Variants in POLQ observed in about 807,000 individuals in gnomAD.
POLQ encodes DNA polymerase theta, also known as epididymis secretory sperm binding protein.
In POLQ, 233 loss-of-function variants were observed where a neutral mutation model predicts 259.2. The observed-to-expected ratio is 0.90, with a 90% CI of 0.81 to 1.00. The LOEUF is 1.00. POLQ is among the 50% of genes least tolerant of loss of function. POLQ has a pLI of 0.00. For missense variants in POLQ, 2,871 were observed against 3,051.6 expected (o/e 0.94, Z 1.39); for synonymous variants, 1,025 against 1,048.8 (o/e 0.98, Z 0.44).
At chr3:121,514,433 A>G (rs1050743279) in intron 9 of POLQ, among the ~76,000 whole-genome samples, 1 of 152,038 alleles carries the variant, frequency 6.6e-6, no homozygotes, top group African/African-American at 2.4e-5. Context: ...AAACTACATA[A>G]AAATTGCAAG....
At chr3:121,474,765 T>TA (rs531450207) in intron 20 of POLQ, among the ~76,000 whole-genome samples, 10 of 152,198 alleles carry the variant, frequency 6.6e-5, no homozygotes, top group Non-Finnish European at 1.5e-4. Flanking sequence ...TATGAACATA[T>TA]GCATGTATAG....
At chr3:121,480,713 T>C (rs2047963544) in intron 19 of POLQ, among the ~76,000 whole-genome samples, 1 of 152,192 alleles carries the variant, frequency 6.6e-6, no homozygotes, top group South Asian at 2.1e-4. Flanking sequence ...TCAACTAACA[T>C]AATAAGCACC....
chr3:121,541,783 T>C (rs1200670198), intron 2 of POLQ, among the ~76,000 whole-genome samples: 1 of 152,066 alleles, frequency 6.6e-6, no homozygotes, highest in Non-Finnish European at 1.5e-5. Context: ...AAGGCCTGCT[T>C]TGAGGAAGTA....
intron 13 of POLQ, among the ~76,000 whole-genome samples, chr3:121,497,623 G>C (rs1326243094): frequency 6.6e-6 from 1 of 152,064 alleles, no homozygotes; most frequent in Non-Finnish European, 1.5e-5. Context: ...TTTTACTAGA[G>C]ACAGGGTTTT....
In POLQ at chr3:121,520,097, GT is replaced by G. The variant is rs1330277103; in HGVS notation, c.1256-15del. 6 of 1,515,640 alleles carry G rather than the reference GT, an allele frequency of 4.0e-6. No individual in the cohort carries two copies. The highest frequency in any genetic ancestry group is 1.7e-5 in the Admixed American group (1 of 58,720). The allele number at this position is 1,515,640 out of a possible 1,614,324, so 93.9% of individuals were successfully genotyped here. A position where few individuals can be genotyped will look rare whatever the true frequency, so the allele number is the denominator to read the frequency against. On this transcript the variant is annotated splice_polypyrimidine_tract_variant and intron_variant, in intron 8 of 29. Transcript: ENST00000264233. ...CAAAAGTAAGACCTAAAAAAAGGAG[GT>G]TTTTATATATTTATTGATATATAAC...
At position 121,496,936 on chromosome 3, in the gene POLQ, G is replaced by T. The variant is rs2048129687; in HGVS notation, c.2154-4C>A. 6.2e-7 allele frequency: 1 copy of T among 1,611,182 alleles called. No homozygotes were observed. Among genetic ancestry groups the T allele is most frequent in the South Asian group, 1.1e-5 (1 of 90,094 alleles). ...TAGCACAAGACTGGTGAAAAACCTG[G>T]GAATAAATCATCAAAAGCGTGGTAA... On this transcript the variant is annotated splice_polypyrimidine_tract_variant and splice_region_variant and intron_variant, in intron 13 of 29. Coordinates refer to ENST00000264233, the MANE Select transcript of POLQ (RefSeq NM_199420.4).
At chr3:121,528,087 G>A (rs2048385288) in intron 7 of POLQ, among the ~76,000 whole-genome samples, 1 of 152,130 alleles carries the variant, frequency 6.6e-6, no homozygotes, top group Non-Finnish European at 1.5e-5. Flanking sequence ...ATGGGGCTAT[G>A]TATGGTCTGT....
intron 14 of POLQ, chr3:121,494,573 G>T: frequency 6.3e-7 from 1 of 1,580,028 alleles, no homozygotes; most frequent in Non-Finnish European, 8.6e-7. Context: ...TCAGCTGGTG[G>T]TGATTGCACA....
chr3:121,436,241 C>T lies in POLQ; in HGVS notation c.7424G>A (p.Gly2475Glu). The T allele has an allele frequency of 6.2e-7, 1 of 1,613,796 alleles. No homozygotes were observed. Among genetic ancestry groups the T allele is most frequent in the Non-Finnish European group, 8.5e-7 (1 of 1,179,768 alleles). The part of the protein sequence containing the change: ...ERQAINTIVQ[G>E]SAADIVKIAT... ...TATTTTGACAATATCAGCTGCTGATCCTTGGACTATTGTGTTGATAGCTTG... is the reference window on the plus strand; with the variant it reads ...TATTTTGACAATATCAGCTGCTGATTCTTGGACTATTGTGTTGATAGCTTG... Residue 2475 changes from glycine (G) to glutamate (E), a missense_variant, in exon 28 of 30, where the codon GGA (glycine) becomes GAA (glutamate). Physicochemically the swap from Gly to Glu is moderately conservative, Grantham distance 98. Around this residue, in one of 3 missense-constraint regions of POLQ, gnomAD observed 2,080 missense variants for 2,126.0 expected, o/e 0.98. Coordinates refer to ENST00000264233, the MANE Select transcript of POLQ (RefSeq NM_199420.4).
At chr3:121,491,161 T>C (rs1331149807) in intron 15 of POLQ, among the ~76,000 whole-genome samples, 1 of 152,028 alleles carries the variant, frequency 6.6e-6, no homozygotes, top group Non-Finnish European at 1.5e-5. Flanking sequence ...AAGACCAGCC[T>C]GACCAATATG....
Position 121,489,298 on chromosome 3 carries a change from T to C in POLQ, c.3633A>G (p.Lys1211=), listed in dbSNP as rs745340083. 1 of 1,613,858 alleles carries C rather than the reference T, an allele frequency of 6.2e-7. No homozygotes were observed. Among genetic ancestry groups the C allele is most frequent in the South Asian group, 1.1e-5 (1 of 91,010 alleles). ...AGGGCATTTGTCTCTCTATTATATT[T>C]TTCTGTTTGGTAATAGTGCTTGTCT... The part of the protein sequence containing the change: ...HEQTSTITKQ[K]NIIERQMPCE... The change falls in exon 16 of 30, where the codon AAA becomes AAG. Residue 1211 remains lysine, a synonymous_variant. Coordinates refer to ENST00000264233, the MANE Select transcript of POLQ (RefSeq NM_199420.4).
In POLQ at chr3:121,481,700, C is replaced by T; in HGVS notation, c.6083G>A (p.Gly2028Glu). Residue 2028 changes from glycine (G) to glutamate (E), a missense_variant, in exon 19 of 30, where the codon GGG (glycine) becomes GAG (glutamate). Transcript: ENST00000264233. ...AGCATTTAGCCCCAGGCTTTGAATC[C>T]CTTGGCTGGTCTCCATCCCTTCTAG... Reference protein sequence around the residue: ...PLLEGMETSQGIQSLGLNAGS... With the variant: ...PLLEGMETSQEIQSLGLNAGS... 1 of 1,614,124 alleles carries T rather than the reference C, an allele frequency of 6.2e-7. No individual in the cohort carries two copies. Among genetic ancestry groups the T allele is most frequent in the South Asian group, 1.1e-5 (1 of 91,082 alleles).
intron 13 of POLQ, among the ~76,000 whole-genome samples, chr3:121,497,331 G>A (rs530742209): frequency 2.0e-5 from 3 of 152,018 alleles, no homozygotes; most frequent in South Asian, 2.1e-4. Flanking sequence ...GAAAGGCAAC[G>A]GTAGCAAAAG....
chr3:121,452,521 T>C (rs1024554296), intron 25 of POLQ, among the ~76,000 whole-genome samples: 2 of 150,646 alleles, frequency 1.3e-5, no homozygotes, highest in East Asian at 2.0e-4. Context: ...TCATGTTGCT[T>C]AGTGCTGTCT....
chr3:121,468,265 C>T (rs1238121372), intron 23 of POLQ, 40 bp downstream of exon 23: 1 of 1,535,752 alleles, frequency 6.5e-7, no homozygotes, highest in Admixed American at 2.1e-5. Flanking sequence ...TTCATACTTA[C>T]AAAAGTTTAT....
At chr3:121,509,735 A>C in intron 11 of POLQ, 32 bp from the exon 12 acceptor site, 1 of 1,581,576 alleles carries the variant, frequency 6.3e-7, no homozygotes, top group Non-Finnish European at 8.6e-7. Flanking sequence ...GAAACAGAGG[A>C]ACAAACATTC....
chr3:121,452,262 C>T (rs1006725764), intron 25 of POLQ, among the ~76,000 whole-genome samples: 2 of 152,236 alleles, frequency 1.3e-5, no homozygotes, highest in Middle Eastern at 3.4e-3. Flanking sequence ...CGCCCTGCTT[C>T]GGCTCACGCT....
At chr3:121,516,934 T>C (rs2048302292) in intron 9 of POLQ, among the ~76,000 whole-genome samples, 1 of 152,204 alleles carries the variant, frequency 6.6e-6, no homozygotes, top group Non-Finnish European at 1.5e-5. Flanking sequence ...GAAATGAACT[T>C]ATTACAGTAT....
intron 20 of POLQ, among the ~76,000 whole-genome samples, chr3:121,475,082 C>A (rs1370013201): frequency 6.6e-6 from 1 of 152,096 alleles, no homozygotes; most frequent in African/African-American, 2.4e-5. Context: ...CTGTAGTCAC[C>A]CTTGTGTACA....
Sources: gnomAD v4.1 joint callset for allele counts (sites outside exome capture counted in the v4.1 genomes callset) on GRCh38, gnomAD v4.1.1 for gene constraint, gnomAD v4.1.1 regional missense constraint, MANE v1.5 for transcripts, NCBI Gene and HGNC (gene_info 2026-07-23, HGNC 2026-07-21) for gene names.